The following UBE2E2 variants were observed in gnomAD, a reference collection of about 807,000 sequenced individuals.
UBE2E2 encodes ubiquitin conjugating enzyme E2 E2.
UBE2E2 carries 6 observed loss-of-function variants against 24.7 expected under a neutral mutation model. That is an observed-to-expected ratio of 0.24 (90% CI 0.13 to 0.48). UBE2E2 has a LOEUF of 0.48. Ranked by LOEUF, UBE2E2 falls within the 20% of genes least tolerant of loss-of-function variation. The pLI is 0.99. For missense variants in UBE2E2, 169 were observed against 245.0 expected, an observed-to-expected ratio of 0.69 and a Z score of 2.07; for synonymous variants, 104 against 83.6, an observed-to-expected ratio of 1.24 and a Z score of -1.33.
chr3:23,298,907 T>C (rs949090906), intron 3 of UBE2E2, among the ~76,000 whole-genome samples: 77 of 152,130 alleles, frequency 5.1e-4, no homozygotes, highest in African/African-American at 1.8e-3. Context: ...GGCTGTGAAT[T>C]CATCTGGTCC....
At chr3:23,203,607 C>A in intron 1 of UBE2E2, 143 bp downstream of exon 1, 1 of 433,190 alleles carries the variant, frequency 2.3e-6, no homozygotes, top group Non-Finnish European at 3.1e-6. Context: ...TTCCTCGCTC[C>A]CCGTGCCCGG....
chr3:23,464,702 A>G (rs1698885390), intron 3 of UBE2E2, among the ~76,000 whole-genome samples: 1 of 152,160 alleles, frequency 6.6e-6, no homozygotes, highest in Non-Finnish European at 1.5e-5. Flanking sequence ...GTAGTGAGAA[A>G]ATACTTCTCT....
intron 5 of UBE2E2, among the ~76,000 whole-genome samples, chr3:23,538,251 T>C (rs1189690913): frequency 1.3e-5 from 2 of 152,142 alleles, no homozygotes; most frequent in Non-Finnish European, 2.9e-5. Flanking sequence ...CTTCAGACTG[T>C]TTTCTTGTGA....
At chr3:23,562,577 G>A (rs199785623) in intron 5 of UBE2E2, among the ~76,000 whole-genome samples, 1 of 152,108 alleles carries the variant, frequency 6.6e-6, no homozygotes, top group Non-Finnish European at 1.5e-5. Flanking sequence ...GATGATGCTG[G>A]CCTCATAAAA....
At position 23,354,859 on chromosome 3, in the gene UBE2E2, C is replaced by T. The variant is rs191639948; in HGVS notation, c.227+137547C>T. On this transcript the variant is annotated intron_variant, in intron 3 of 5. Coordinates refer to ENST00000396703, the MANE Select transcript of UBE2E2 (RefSeq NM_152653.4). ...ATCTAGAACTAGACATACCATTTGACCCAGCCATCCCATTACTGGGTATAT... is the reference window on the plus strand; with the variant it reads ...ATCTAGAACTAGACATACCATTTGATCCAGCCATCCCATTACTGGGTATAT... Among the ~76,000 whole-genome samples the T allele has an allele frequency of 7.8e-3, 1,182 of 152,270 alleles. 13 individuals are homozygous for T. The highest frequency in any genetic ancestry group is 0.027 in the African/African-American group (1,122 of 41,540).
intron 3 of UBE2E2, among the ~76,000 whole-genome samples, chr3:23,378,115 A>C (rs962990042): frequency 6.6e-6 from 1 of 152,042 alleles, no homozygotes; most frequent in African/African-American, 2.4e-5. Context: ...ACAGGAAACC[A>C]CAGAAGTTTC....
intron 3 of UBE2E2, among the ~76,000 whole-genome samples, chr3:23,320,237 T>C (rs9847958): frequency 0.41 from 61,921 of 152,068 alleles, 13,288 homozygotes; most frequent in Admixed American, 0.54. Context: ...TTCTTCCCTG[T>C]GTCCATTGAA....
intron 3 of UBE2E2, among the ~76,000 whole-genome samples, chr3:23,230,556 G>A (rs1349818457): frequency 1.3e-5 from 2 of 152,056 alleles, no homozygotes; most frequent in South Asian, 4.2e-4. Context: ...AGGCCGAGGC[G>A]GGTGGATCAT....
At chr3:23,419,153 T>G (rs1257361584) in intron 3 of UBE2E2, among the ~76,000 whole-genome samples, 2 of 152,054 alleles carry the variant, frequency 1.3e-5, no homozygotes, top group African/African-American at 4.8e-5. Flanking sequence ...TTTGTAGATG[T>G]GAGGTTTTGC....
intron 3 of UBE2E2, among the ~76,000 whole-genome samples, chr3:23,416,519 A>G (rs915899581): frequency 6.6e-6 from 1 of 151,938 alleles, no homozygotes; most frequent in Non-Finnish European, 1.5e-5. Flanking sequence ...GAATCTGACG[A>G]TTATGTATCT....
At position 23,407,617 on chromosome 3, in the gene UBE2E2, ATGTG is replaced by A. The variant is rs1197429050; in HGVS notation, c.228-91983_228-91980del. On this transcript the variant is annotated intron_variant, in intron 3 of 5. Transcript: ENST00000396703. The surrounding 1 kb of genome is among the most constrained non-coding windows in gnomAD (Gnocchi z 4.0). Reference sequence around the variant, plus strand: ...TGTATGTTTGTTTTGGGAGGAGTGCATGTGTGTGTGTTTGTGTGTGCATGCGTGC... The same window carrying A: ...TGTATGTTTGTTTTGGGAGGAGTGCATGTGTGTTTGTGTGTGCATGCGTGC... Among the ~76,000 whole-genome samples, 3 of 139,082 alleles carry A rather than the reference ATGTG, an allele frequency of 2.2e-5. No individual in the cohort carries two copies. The highest frequency in any genetic ancestry group is 2.2e-4 in the East Asian group (1 of 4,614). The allele number at this position is 139,082 out of a possible 152,430, so 91.2% of individuals were successfully genotyped here.
At chr3:23,441,538 C>CAAAAAAAAAAAAAAA (rs147766521) in intron 3 of UBE2E2, among the ~76,000 whole-genome samples, 7 of 95,760 alleles carry the variant, frequency 7.3e-5, no homozygotes, top group Non-Finnish European at 8.5e-5. Flanking sequence ...GACTCCGTCT[C>CAAAAAAAAAAAAAAA]AAAAAAAAAA....
intron 5 of UBE2E2, among the ~76,000 whole-genome samples, chr3:23,576,356 C>T (rs2125515732): frequency 6.6e-6 from 1 of 152,156 alleles, no homozygotes; most frequent in East Asian, 1.9e-4. Flanking sequence ...TGGATCATAG[C>T]CTTGAAGAAT....
intron 3 of UBE2E2, among the ~76,000 whole-genome samples, chr3:23,414,634 G>A (rs965414743): frequency 5.3e-5 from 8 of 152,168 alleles, no homozygotes; most frequent in African/African-American, 1.7e-4. Flanking sequence ...TAATTTGGAG[G>A]AGGATGCTAT....
rs189806111 is a variant in UBE2E2 at position 23,217,901 on chromosome 3, A to T, written c.227+589A>T. On this transcript the variant is annotated intron_variant, in intron 3 of 5. Coordinates refer to ENST00000396703, the MANE Select transcript of UBE2E2 (RefSeq NM_152653.4). ...AAAAGTGCTTACCTGGAAATGGTTA[A>T]TGTTATAAAGATACATGGACAAAGA... is the stretch of plus-strand genomic sequence containing the variant. Among the ~76,000 whole-genome samples the T allele has an allele frequency of 1.3e-5, 2 of 152,130 alleles. 1 individual carries two copies. The highest frequency in any genetic ancestry group is 4.1e-4 in the South Asian group (2 of 4,838).
chr3:23,388,592 A>G (rs981480464), intron 3 of UBE2E2, among the ~76,000 whole-genome samples: 1 of 152,240 alleles, frequency 6.6e-6, no homozygotes, highest in Admixed American at 6.5e-5. Context: ...TAATACTCTA[A>G]TGCTAATGAA....
chr3:23,425,223 CT>C (rs1439970524), intron 3 of UBE2E2, among the ~76,000 whole-genome samples: 1 of 152,096 alleles, frequency 6.6e-6, no homozygotes, highest in East Asian at 1.9e-4. Flanking sequence ...AAAACAGCTA[CT>C]TTTTAGTTGC....
chr3:23,400,797 T>C (rs1057097379), intron 3 of UBE2E2, among the ~76,000 whole-genome samples: 2 of 152,102 alleles, frequency 1.3e-5, no homozygotes, highest in Non-Finnish European at 2.9e-5. Flanking sequence ...TTTCATCCTC[T>C]CCTCCTTTCT....
intron 3 of UBE2E2, among the ~76,000 whole-genome samples, chr3:23,371,752 G>C (rs1696404734): frequency 6.6e-6 from 1 of 152,102 alleles, no homozygotes; most frequent in Non-Finnish European, 1.5e-5. Flanking sequence ...AGGCAGGAAG[G>C]GAATGTCTTT....
Sources: allele counts gnomAD v4.1 joint callset (sites outside exome capture counted in the v4.1 genomes callset), GRCh38; gene constraint gnomAD v4.1.1; non-coding constraint Gnocchi (gnomAD v3.1); transcripts MANE v1.5; gene names NCBI Gene and HGNC (gene_info 2026-07-23, HGNC 2026-07-21).